The following KIF16B variants were observed in gnomAD, a reference collection of about 807,000 sequenced individuals.
KIF16B encodes the protein kinesin family member 16B, also known as kinesin-like protein KIF16B.
In KIF16B, 98 loss-of-function variants were observed where a neutral mutation model predicts 156.3. That is an observed-to-expected ratio of 0.63 (90% confidence interval 0.53 to 0.74). The LOEUF (loss-of-function observed/expected upper bound fraction) is 0.74, where lower values mean the gene tolerates loss of function less well. KIF16B is among the 30% of genes least tolerant of loss of function. KIF16B has a pLI of 0.00. For missense variants in KIF16B, 1,421 were observed against 1,606.5 expected, an observed-to-expected ratio of 0.88 and a Z score of 1.97; for synonymous variants, 564 against 583.7, an observed-to-expected ratio of 0.97 and a Z score of 0.49.
At chr20:16,362,246 A>G (rs2064565200) in intron 22 of KIF16B, among the ~76,000 whole-genome samples, 1 of 152,212 alleles carries the variant, frequency 6.6e-6, no homozygotes, top group African/African-American at 2.4e-5. Flanking sequence ...AAGGCCCAGG[A>G]GAAAATAAAA....
chr20:16,424,818 G>T (rs960012830), intron 15 of KIF16B, among the ~76,000 whole-genome samples: 1 of 152,050 alleles, frequency 6.6e-6, no homozygotes, highest in African/African-American at 2.4e-5. Flanking sequence ...CAGTATATGG[G>T]TTACATAATG....
intron 23 of KIF16B, among the ~76,000 whole-genome samples, chr20:16,340,732 T>G (rs374043923): frequency 1.3e-5 from 2 of 152,216 alleles, no homozygotes; most frequent in Non-Finnish European, 2.9e-5. Flanking sequence ...TTTTGAAATC[T>G]CTGAATAGTG....
At chr20:16,364,158 A>T (rs1600212267) in intron 22 of KIF16B, among the ~76,000 whole-genome samples, 1 of 152,348 alleles carries the variant, frequency 6.6e-6, no homozygotes, top group East Asian at 1.9e-4. Flanking sequence ...CACATTTTTA[A>T]AGTAATGAGA....
chr20:16,324,346 C>T (rs1460109805), intron 24 of KIF16B, among the ~76,000 whole-genome samples: 1 of 151,922 alleles, frequency 6.6e-6, no homozygotes, highest in Non-Finnish European at 1.5e-5. Context: ...AATTAGGAGA[C>T]ATGAACCTTG....
chr20:16,527,310 A>C (rs1443780654), intron 2 of KIF16B, among the ~76,000 whole-genome samples: 1 of 152,248 alleles, frequency 6.6e-6, no homozygotes, highest in Non-Finnish European at 1.5e-5. Flanking sequence ...GAAATGATCC[A>C]GAGGCTGCCC....
chr20:16,526,206 C>G lies in KIF16B; in HGVS notation c.118-1G>C. ...AGTCCCCAGTGCCTCCTTCTGGTAT[C>G]TAGAAAGAAATGATTAGAATAATAA... On this transcript the variant is annotated splice_acceptor_variant, in intron 2 of 25. Transcript: ENST00000354981. LOFTEE classifies it high-confidence loss of function. 3.3e-6 allele frequency: 5 copies of G among 1,524,516 alleles called. No homozygotes were observed. The highest frequency in any genetic ancestry group is 4.5e-6 in the Non-Finnish European group (5 of 1,114,098). 94.4% of individuals were successfully genotyped at this position (1,524,516 alleles called of 1,614,324 possible).
chr20:16,415,683 T>G (rs1048291291), intron 15 of KIF16B, among the ~76,000 whole-genome samples: 4 of 152,180 alleles, frequency 2.6e-5, no homozygotes, highest in African/African-American at 9.6e-5. Context: ...GTCTTAGACA[T>G]TTCTTCACTA....
chr20:16,421,239 T>G (rs2066217457), intron 15 of KIF16B, among the ~76,000 whole-genome samples: 1 of 152,170 alleles, frequency 6.6e-6, no homozygotes, highest in African/African-American at 2.4e-5. Flanking sequence ...CAAGACAGAT[T>G]TCAAAGAATA....
At chr20:16,316,504 A>T (rs910723975) in intron 24 of KIF16B, among the ~76,000 whole-genome samples, 1 of 152,202 alleles carries the variant, frequency 6.6e-6, no homozygotes, top group African/African-American at 2.4e-5. Context: ...AGAAAAAAAG[A>T]GCATCATCTT....
At chr20:16,442,230 T>C (rs2066819709) in intron 12 of KIF16B, among the ~76,000 whole-genome samples, 1 of 152,120 alleles carries the variant, frequency 6.6e-6, no homozygotes, top group African/African-American at 2.4e-5. Flanking sequence ...ATATATTGTA[T>C]TCTTGAAAAA....
intron 2 of KIF16B, among the ~76,000 whole-genome samples, chr20:16,527,283 G>A (rs186320146): frequency 2.0e-5 from 3 of 152,304 alleles, no homozygotes; most frequent in South Asian, 2.1e-4. Context: ...GGACACCAGC[G>A]CCTTAATGGA....
chr20:16,573,080 C>T, intron 1 of KIF16B, 149 bp downstream of exon 1: 1 of 698,944 alleles, frequency 1.4e-6, no homozygotes, highest in Non-Finnish European at 2.4e-6. Context: ...CGAAGTCCTC[C>T]AGGCCCCCAG....
intron 18 of KIF16B, 149 bp downstream of exon 18, chr20:16,381,545 G>T: frequency 1.5e-4 from 41 of 264,786 alleles, no homozygotes; most frequent in East Asian, 3.2e-4. Flanking sequence ...AAAAAAAAAA[G>T]ACCTGCAGTC....
rs61754557 is a variant in KIF16B, at chr20:16,378,982, C to T, written c.3020G>A (p.Arg1007Gln). 3.4e-4 allele frequency: 541 copies of T among 1,614,048 alleles called. No homozygotes were observed. The highest frequency in any genetic ancestry group is 4.3e-4 in the Non-Finnish European group (504 of 1,179,942). Residue 1007 changes from arginine (R) to glutamine (Q), a missense_variant, in exon 19 of 26, where the codon CGG (arginine) becomes CAG (glutamine). Coordinates refer to ENST00000354981, the MANE Select transcript of KIF16B (RefSeq NM_024704.5). ...TCTCCTCTCCAGCCTGGCCAGGGCC[C>T]GCTCCAGCGCCTCTCTCTGCTGCTT... ...REKQQREALE[R>Q]ALARLERRHS...
intron 23 of KIF16B, among the ~76,000 whole-genome samples, chr20:16,349,454 C>G (rs1470125520): frequency 6.6e-6 from 1 of 152,234 alleles, no homozygotes; most frequent in Non-Finnish European, 1.5e-5. Context: ...CACACCTGCC[C>G]TAAGAGGAGC....
chr20:16,343,499 G>C (rs1313911614), intron 23 of KIF16B, among the ~76,000 whole-genome samples: 1 of 152,146 alleles, frequency 6.6e-6, no homozygotes, highest in Admixed American at 6.5e-5. Flanking sequence ...ATATGCGGGA[G>C]CTACCTCAAG....
At chr20:16,318,568 A>G (rs560784567) in intron 24 of KIF16B, among the ~76,000 whole-genome samples, 1 of 152,320 alleles carries the variant, frequency 6.6e-6, no homozygotes, top group East Asian at 1.9e-4. Flanking sequence ...AAAGGAACAC[A>G]GACATCAAGT....
intron 22 of KIF16B, chr20:16,367,452 G>A: frequency 6.2e-7 from 1 of 1,612,890 alleles, no homozygotes; most frequent in South Asian, 1.1e-5. Context: ...GAGGAGGTAT[G>A]TTTCGAGATC....
In KIF16B at chr20:16,494,415, C is replaced by A. The variant is rs2068387468; in HGVS notation, c.1243-65G>T. ...AAAGTTTATAATTTTCTTCTAGTTT[C>A]CGAACTCTAATATCTCATGGAAAGA... On this transcript the variant is annotated intron_variant, in intron 11 of 25. Transcript: ENST00000354981. 4 of 1,053,474 alleles carry A rather than the reference C, an allele frequency of 3.8e-6. No homozygotes were observed. In the Admixed American group the frequency reaches 7.1e-5, roughly 19 times the overall value. 65.3% of individuals were successfully genotyped at this position (1,053,474 alleles called of 1,614,324 possible). A position where few individuals can be genotyped will look rare whatever the true frequency, so the allele number is the denominator to read the frequency against.
Sources: gnomAD v4.1 joint callset for allele counts (sites outside exome capture counted in the v4.1 genomes callset) on GRCh38, gnomAD v4.1.1 for gene constraint, MANE v1.5 for transcripts, NCBI Gene and HGNC (gene_info 2026-07-23, HGNC 2026-07-21) for gene names.